Variants in SWAP70 observed in about 807,000 individuals in gnomAD.
SWAP70 encodes the protein switching B cell complex subunit SWAP70.
Under a neutral mutation model 80.2 loss-of-function variants are expected in SWAP70, and 34 were observed. The observed-to-expected ratio is 0.42, with a 90% confidence interval of 0.32 to 0.56. SWAP70 has a LOEUF of 0.56. Among genes scored for constraint, SWAP70 ranks in the 20% least tolerant of loss-of-function variants. The probability of loss-of-function intolerance (pLI) is 0.09; values close to 1 mark genes in which losing one functional copy is unlikely to be tolerated. For missense variants in SWAP70, 578 were observed against 690.7 expected, an observed-to-expected ratio of 0.84 and a Z score of 1.83; for synonymous variants, 239 against 238.5, an observed-to-expected ratio of 1.00 and a Z score of -0.02.
Position 9,738,293 on chromosome 11 carries a change from C to T in SWAP70, c.1161C>T (p.Phe387=). 1 of 1,608,404 alleles carries T rather than the reference C, an allele frequency of 6.2e-7. No individual in the cohort carries two copies. The highest frequency in any genetic ancestry group is 2.3e-5 in the East Asian group (1 of 44,422). ...LQTQVELQAR[F]STELEREKLI... is the part of the protein sequence containing the mutation. ...CTCAAGTGGAACTTCAGGCCAGGTT[C>T]AGCACAGAGCTGGAAAGAGAGAAGC... The change falls in exon 8 of 12, where the codon TTC becomes TTT. Residue 387 remains phenylalanine, a synonymous_variant. Coordinates refer to ENST00000318950, the MANE Select transcript of SWAP70 (RefSeq NM_015055.4).
At chr11:9,746,089 G>C (rs1333133334) in intron 9 of SWAP70, among the ~76,000 whole-genome samples, 1 of 152,190 alleles carries the variant, frequency 6.6e-6, no homozygotes, top group Non-Finnish European at 1.5e-5. Context: ...CCACCGGCAA[G>C]ATGAATTCTC....
chr11:9,731,049 C>T (rs952009360), intron 6 of SWAP70, among the ~76,000 whole-genome samples: 2 of 152,168 alleles, frequency 1.3e-5, no homozygotes, highest in Admixed American at 1.3e-4. Context: ...TTCTGTTCTG[C>T]GTTAATTTGC....
At chr11:9,696,016 A>G (rs1590021641) in intron 2 of SWAP70, among the ~76,000 whole-genome samples, 1 of 152,044 alleles carries the variant, frequency 6.6e-6, no homozygotes, top group Non-Finnish European at 1.5e-5. Context: ...GGCTGGGGCA[A>G]TGGTTGTTAA....
intron 1 of SWAP70, among the ~76,000 whole-genome samples, chr11:9,679,756 C>T (rs1850544104): frequency 1.3e-5 from 2 of 152,140 alleles, no homozygotes. Context: ...GCAAGCTCCA[C>T]CTCCCAAGTT....
At chr11:9,725,565 ATATATTTTTTT>A (rs1851209585) in intron 4 of SWAP70, among the ~76,000 whole-genome samples, 1 of 17,352 alleles carries the variant, frequency 5.8e-5, no homozygotes, top group African/African-American at 2.7e-4. Flanking sequence ...ATATATATAT[ATATATTTTTTT>A]TTTTTTTTTT....
In SWAP70 at chr11:9,749,066, CA is replaced by C; in HGVS notation, c.1555-17del. 6.3e-7 allele frequency: 1 copy of C among 1,583,070 alleles called. No homozygotes were observed. Among genetic ancestry groups the C allele is most frequent in the Non-Finnish European group, 8.7e-7 (1 of 1,155,130 alleles). ...AAACTACCCGTGTGTCTGCATAGTC[CA>C]AAATCCACTTTTGTTTCAGGAAGTT... is the stretch of plus-strand genomic sequence containing the variant. On this transcript the variant is annotated intron_variant, in intron 10 of 11. Transcript: ENST00000318950.
intron 3 of SWAP70, among the ~76,000 whole-genome samples, chr11:9,716,127 G>A (rs1370824082): frequency 2.0e-5 from 3 of 152,196 alleles, no homozygotes; most frequent in Non-Finnish European, 2.9e-5. Context: ...GAAGATAGGC[G>A]GTAGATGAAG....
At chr11:9,696,495 T>TAC (rs1373861190) in intron 2 of SWAP70, among the ~76,000 whole-genome samples, 1 of 151,992 alleles carries the variant, frequency 6.6e-6, no homozygotes, top group African/African-American at 2.4e-5. Flanking sequence ...CCTGAAAACA[T>TAC]ACACACACAT....
chr11:9,725,950 A>T (rs961600921), intron 4 of SWAP70, among the ~76,000 whole-genome samples: 4 of 152,180 alleles, frequency 2.6e-5, no homozygotes, highest in African/African-American at 7.2e-5. Flanking sequence ...AGTGAAAAAA[A>T]ACCACATTGC....
chr11:9,718,962 C>T (rs913783324), intron 3 of SWAP70, among the ~76,000 whole-genome samples: 1 of 148,774 alleles, frequency 6.7e-6, no homozygotes, highest in East Asian at 2.0e-4. Flanking sequence ...TAGCTGGGCA[C>T]AGTGGCACAT....
intron 3 of SWAP70, among the ~76,000 whole-genome samples, chr11:9,722,183 C>T (rs1320827297): frequency 6.6e-6 from 1 of 152,126 alleles, no homozygotes; most frequent in Non-Finnish European, 1.5e-5. Flanking sequence ...TCATTTCACC[C>T]CACAGCATTT....
intron 1 of SWAP70, among the ~76,000 whole-genome samples, chr11:9,674,007 C>T (rs983904319): frequency 6.6e-6 from 1 of 152,196 alleles, no homozygotes; most frequent in Admixed American, 6.5e-5. Flanking sequence ...TCAAGCGATT[C>T]TCCTACCTCA....
At chr11:9,741,957 A>AAAAAAAAAAAAAAAAC (rs1851446178) in intron 9 of SWAP70, 2 of 149,684 alleles carry the variant, frequency 1.3e-5, no homozygotes, top group Non-Finnish European at 3.0e-5. Flanking sequence ...AAAAAAAAAA[A>AAAAAAAAAAAAAAAAC]AGTCTACTTG....
At chr11:9,711,989 C>A (rs952469333) in intron 2 of SWAP70, among the ~76,000 whole-genome samples, 6 of 152,180 alleles carry the variant, frequency 3.9e-5, no homozygotes, top group Non-Finnish European at 8.8e-5. Flanking sequence ...TTCTCACATT[C>A]TGTTCTACCT....
At chr11:9,726,307 A>G (rs2133806539) in intron 4 of SWAP70, among the ~76,000 whole-genome samples, 1 of 152,214 alleles carries the variant, frequency 6.6e-6, no homozygotes, top group Middle Eastern at 3.4e-3. Context: ...ATTCTTTGAA[A>G]CTTCTTACAT....
At chr11:9,700,770 C>T (rs75364543) in intron 2 of SWAP70, among the ~76,000 whole-genome samples, 3,648 of 152,132 alleles carry the variant, frequency 0.024, 148 homozygotes, top group African/African-American at 0.083. Flanking sequence ...AAATATTGGT[C>T]GAAGGCAGGG....
intron 1 of SWAP70, among the ~76,000 whole-genome samples, chr11:9,673,275 C>T (rs2134422290): frequency 6.6e-6 from 1 of 152,286 alleles, no homozygotes; most frequent in East Asian, 1.9e-4. Context: ...GCTAGAGTGG[C>T]TCACAGAACT....
At chr11:9,739,811 G>T (rs116678234) in intron 8 of SWAP70, among the ~76,000 whole-genome samples, 2 of 152,168 alleles carry the variant, frequency 1.3e-5, no homozygotes, top group African/African-American at 4.8e-5. Flanking sequence ...GAAAAGGTTC[G>T]TTCCTTTTAG....
At chr11:9,683,091 T>C (rs1850587886) in intron 1 of SWAP70, among the ~76,000 whole-genome samples, 1 of 152,184 alleles carries the variant, frequency 6.6e-6, no homozygotes, top group African/African-American at 2.4e-5. Flanking sequence ...AATTTACCTT[T>C]GAAGAACTTA....
Sources: gnomAD v4.1 joint callset for allele counts (sites outside exome capture counted in the v4.1 genomes callset) on GRCh38, gnomAD v4.1.1 for gene constraint, MANE v1.5 for transcripts, NCBI Gene and HGNC (gene_info 2026-07-23, HGNC 2026-07-21) for gene names.